Variants in DENND2B observed in about 807,000 individuals in gnomAD.
DENND2B encodes the protein DENN domain containing 2B.
In DENND2B, 32 loss-of-function variants were observed where a neutral mutation model predicts 116.0. The observed-to-expected ratio is 0.28, with a 90% confidence interval of 0.21 to 0.37. The LOEUF is 0.37. Among genes scored for constraint, DENND2B ranks in the 10% least tolerant of loss-of-function variants. The pLI, the probability that DENND2B is intolerant of heterozygous loss-of-function variation, is 1.00. For missense variants in DENND2B, 1,276 were observed against 1,477.7 expected, an observed-to-expected ratio of 0.86 and a Z score of 2.24; for synonymous variants, 588 against 583.9, an observed-to-expected ratio of 1.01 and a Z score of -0.10.
At chr11:8,761,811 G>C (rs2134118998) in intron 1 of DENND2B, among the ~76,000 whole-genome samples, 1 of 152,168 alleles carries the variant, frequency 6.6e-6, no homozygotes, top group Non-Finnish European at 1.5e-5. Flanking sequence ...AAGGCTAAAG[G>C]GACTGGGCAA....
At position 8,778,659 on chromosome 11, in the gene DENND2B, G is replaced by A. The variant is rs370244565; in HGVS notation, c.-25-27934C>T. ...TACCATGTGTGCCTACAGCTCCCAC[G>A]TACCCGGGGGCTGGGAGGCATGGTG... is the stretch of plus-strand genomic sequence containing the variant. On this transcript the variant is annotated intron_variant, in intron 1 of 19. Transcript: ENST00000313726. Among the ~76,000 whole-genome samples the A allele has an allele frequency of 1.7e-3, 255 of 152,292 alleles. 1 individual carries two copies. Among genetic ancestry groups the A allele is most frequent in the African/African-American group, 5.6e-3 (233 of 41,576 alleles).
chr11:8,809,958 C>T (rs1364374401), intron 1 of DENND2B: 2 of 151,900 alleles, frequency 1.3e-5, no homozygotes, highest in Non-Finnish European at 2.9e-5. Flanking sequence ...AAAACCCCAG[C>T]TCAGGCATCC....
At chr11:8,801,991 T>TG (rs199653833) in intron 1 of DENND2B, among the ~76,000 whole-genome samples, 3 of 92,748 alleles carry the variant, frequency 3.2e-5, no homozygotes, top group South Asian at 4.0e-4. Flanking sequence ...GGCCCTCTCT[T>TG]GGGGAAAAAA....
chr11:8,752,263 G>A (rs1467631264), intron 1 of DENND2B, among the ~76,000 whole-genome samples: 1 of 152,052 alleles, frequency 6.6e-6, no homozygotes, highest in Non-Finnish European at 1.5e-5. Context: ...ACCAGCCTGG[G>A]CAACATGGTG....
intron 13 of DENND2B, among the ~76,000 whole-genome samples, chr11:8,704,038 T>A (rs1592416303): frequency 6.6e-6 from 1 of 152,324 alleles, no homozygotes; most frequent in African/African-American, 2.4e-5. Context: ...CAGTCCCTAC[T>A]GTCCCTGGGG....
rs1471400648 is a variant in DENND2B, at chr11:8,897,414, T to TAGTA, written c.-256+13403_-256+13406dup. Among the ~76,000 whole-genome samples, 6 of 152,158 alleles carry TAGTA rather than the reference T, an allele frequency of 3.9e-5. No homozygotes were observed. In the East Asian group the frequency reaches 9.6e-4, roughly 24 times the overall value. On this transcript the variant is annotated intron_variant, in intron 1 of 22. Coordinates refer to the DENND2B transcript ENST00000534127. Reference sequence around the variant, plus strand: ...ACACTCCCTACCCCCAGCTCCAACATAGTAGTTCTATCAGGACAGTAAAAT... The same window carrying TAGTA: ...ACACTCCCTACCCCCAGCTCCAACATAGTAAGTAGTTCTATCAGGACAGTAAAAT...
intron 1 of DENND2B, among the ~76,000 whole-genome samples, chr11:8,767,605 C>T (rs1235128250): frequency 2.6e-5 from 4 of 152,220 alleles, no homozygotes; most frequent in African/African-American, 7.2e-5. Flanking sequence ...AAAAAATGAA[C>T]AAATGAGGCA....
At chr11:8,753,939 A>C (rs577698965) in intron 1 of DENND2B, among the ~76,000 whole-genome samples, 63 of 152,254 alleles carry the variant, frequency 4.1e-4, no homozygotes, top group African/African-American at 1.3e-3. Flanking sequence ...TAAGAGCTAC[A>C]ATTACAAAAG....
intron 3 of DENND2B, among the ~76,000 whole-genome samples, chr11:8,855,690 G>C (rs1256523546): frequency 1.3e-5 from 2 of 151,960 alleles, no homozygotes; most frequent in African/African-American, 4.8e-5. Flanking sequence ...CTCCTGGAAG[G>C]GTTTCTAACT....
rs550249633 is a variant in DENND2B, at chr11:8,713,941, C to T, written c.1987+57G>A. ...ACCACACATGCATCGGAAGGGAAGG[C>T]TGATTCCCTGCAGCCCTGCTGGGAG... On this transcript the variant is annotated intron_variant, in intron 8 of 19. Coordinates refer to ENST00000313726, the MANE Select transcript of DENND2B (RefSeq NM_213618.2). 146 of 1,581,406 alleles carry T rather than the reference C, an allele frequency of 9.2e-5. 3 individuals are homozygous for T. The East Asian group carries it at 1.8e-3, about 20-fold the overall frequency.
At chr11:8,708,834 C>G (rs1159429202) in intron 11 of DENND2B, among the ~76,000 whole-genome samples, 3 of 152,096 alleles carry the variant, frequency 2.0e-5, no homozygotes, top group Non-Finnish European at 4.4e-5. Flanking sequence ...GCCTGTAATC[C>G]CAGCTACTTA....
rs532500778 is a variant in DENND2B, at chr11:8,888,437, A to G, written c.-255-7328T>C. Among the ~76,000 whole-genome samples, 11 of 152,326 alleles carry G rather than the reference A, an allele frequency of 7.2e-5. No homozygotes were observed. The South Asian group carries it at 2.3e-3, about 32-fold the overall frequency. ...TACAAAAATTAACTCAAAATGAATC[A>G]AAGACTTAAATGCAAGACCTAAAAC... On this transcript the variant is annotated intron_variant, in intron 1 of 22. Transcript: ENST00000534127.
chr11:8,758,445 C>A (rs760474900), intron 1 of DENND2B, among the ~76,000 whole-genome samples: 4 of 152,162 alleles, frequency 2.6e-5, no homozygotes, highest in Non-Finnish European at 5.9e-5. Context: ...AATTACTCTT[C>A]CTGCCACCCA....
chr11:8,699,568 A>G (rs1321974336), intron 14 of DENND2B, among the ~76,000 whole-genome samples, 178 bp from the exon 15 acceptor site: 3 of 152,196 alleles, frequency 2.0e-5, no homozygotes, highest in Non-Finnish European at 4.4e-5. Flanking sequence ...CGCCTCAAGG[A>G]CAACAATGCT....
rs574419620 is a variant in DENND2B, at chr11:8,712,155, G to A, written c.2172+396C>T. 5.7e-5 allele frequency: 21 copies of A among 369,660 alleles called. No individual in the cohort carries two copies. Among genetic ancestry groups the A allele is most frequent in the East Asian group, 3.6e-4 (5 of 13,730 alleles). 22.9% of individuals were successfully genotyped at this position (369,660 alleles called of 1,614,324 possible). A position where few individuals can be genotyped will look rare whatever the true frequency, so the allele number is the denominator to read the frequency against. ...AGAGACAGGCTGGTGGGAGAAGTGC[G>A]GAGTGACAGCTAGTGGGTGCAGAGT... On this transcript the variant is annotated intron_variant, in intron 9 of 19. Coordinates refer to ENST00000313726, the MANE Select transcript of DENND2B (RefSeq NM_213618.2). This position sits in a 1 kb window ranked among gnomAD's most constrained non-coding sequence, Gnocchi z 4.4.
intron 11 of DENND2B, among the ~76,000 whole-genome samples, chr11:8,710,166 A>C (rs368745311): frequency 1.3e-5 from 2 of 152,298 alleles, no homozygotes. Context: ...TCAACAACCC[A>C]GTAGCTCCAA....
intron 4 of DENND2B, among the ~76,000 whole-genome samples, chr11:8,720,120 G>A (rs1479310111): frequency 6.6e-6 from 1 of 152,110 alleles, no homozygotes; most frequent in Non-Finnish European, 1.5e-5. Context: ...AGAGAGGGAG[G>A]GAGGCAGGAA....
chr11:8,861,588 T>C (rs552790484), intron 2 of DENND2B, among the ~76,000 whole-genome samples: 1 of 152,314 alleles, frequency 6.6e-6, no homozygotes, highest in Non-Finnish European at 1.5e-5. Flanking sequence ...CTGGTGGGAA[T>C]ATAAATTAGT....
At chr11:8,866,507 A>G (rs539847528) in intron 2 of DENND2B, among the ~76,000 whole-genome samples, 1 of 152,322 alleles carries the variant, frequency 6.6e-6, no homozygotes, top group East Asian at 1.9e-4. Flanking sequence ...CCAACCAACA[A>G]TGAGCTTTGC....
Sources: allele counts gnomAD v4.1 joint callset (sites outside exome capture counted in the v4.1 genomes callset), GRCh38; gene constraint gnomAD v4.1.1; non-coding constraint Gnocchi (gnomAD v3.1); transcripts MANE v1.5; gene names NCBI Gene and HGNC (gene_info 2026-07-23, HGNC 2026-07-21).